Variants in CADM2 observed in about 807,000 individuals in gnomAD.
CADM2 encodes immunoglobulin superfamily member 4D.
Under a neutral mutation model 49.8 loss-of-function variants are expected in CADM2, and 12 were observed. That is an observed-to-expected ratio of 0.24 (90% CI 0.15 to 0.39). CADM2 has a LOEUF of 0.39. CADM2 is among the 10% of genes least tolerant of loss of function. CADM2 has a pLI of 1.00. For synonymous variants in CADM2, 214 were observed against 175.4 expected, an observed-to-expected ratio of 1.22 and a Z score of -1.74; for missense variants, 378 against 492.3, an observed-to-expected ratio of 0.77 and a Z score of 2.20.
At chr3:85,853,634 T>G (rs2075192306) in intron 3 of CADM2, among the ~76,000 whole-genome samples, 2 of 150,724 alleles carry the variant, frequency 1.3e-5, no homozygotes, top group African/African-American at 4.9e-5. Flanking sequence ...AAATATGAAA[T>G]GCTTCTTAAA....
intron 1 of CADM2, among the ~76,000 whole-genome samples, chr3:85,585,072 A>G (rs1331669142): frequency 6.6e-6 from 1 of 151,964 alleles, no homozygotes; most frequent in East Asian, 1.9e-4. Flanking sequence ...ATACCTCTTA[A>G]ATTGCATGCC....
At chr3:85,186,775 AC>A (rs2041076385) in intron 1 of CADM2, among the ~76,000 whole-genome samples, 1 of 152,112 alleles carries the variant, frequency 6.6e-6, no homozygotes, top group Admixed American at 6.6e-5. Flanking sequence ...GAGCAATCTT[AC>A]CAATGCTAAC....
At chr3:85,855,641 T>TATA (rs71112122) in intron 3 of CADM2, among the ~76,000 whole-genome samples, 3 of 133,122 alleles carry the variant, frequency 2.3e-5, no homozygotes, top group African/African-American at 2.7e-5. Context: ...TATATATATA[T>TATA]TTTGAGACGG....
intron 3 of CADM2, among the ~76,000 whole-genome samples, chr3:85,841,155 A>G (rs968234921): frequency 4.0e-5 from 6 of 151,894 alleles, no homozygotes; most frequent in Non-Finnish European, 7.4e-5. Flanking sequence ...TCTTGATAAC[A>G]TGAAACTTTT....
chr3:85,628,109 T>A (rs540036239), intron 1 of CADM2, among the ~76,000 whole-genome samples: 1 of 152,122 alleles, frequency 6.6e-6, no homozygotes, highest in Admixed American at 6.6e-5. Context: ...CACTTTACCT[T>A]AGCAGCTCAA....
chr3:85,684,990 G>T (rs79919836), intron 1 of CADM2, among the ~76,000 whole-genome samples: 23,251 of 152,078 alleles, frequency 0.15, 1,952 homozygotes, highest in African/African-American at 0.2. Flanking sequence ...TCGGCCGGGC[G>T]CGGTAGCTCT....
rs541276331 is a variant in CADM2 at position 85,191,820 on chromosome 3, AATT to A, written c.61+232153_61+232155del. Among the ~76,000 whole-genome samples the A allele has an allele frequency of 2.6e-5, 4 of 152,208 alleles. No individual in the cohort carries two copies. In the South Asian group the frequency reaches 8.3e-4, roughly 32 times the overall value. ...CAGTCATCAGATACAATGTTTTGTT[AATT>A]TCTGGAGGTGTTTATTCTAAACTAA... is the stretch of plus-strand genomic sequence containing the variant. On this transcript the variant is annotated intron_variant, in intron 1 of 9. Coordinates refer to ENST00000383699, the MANE Select transcript of CADM2 (RefSeq NM_001167675.2).
intron 1 of CADM2, among the ~76,000 whole-genome samples, chr3:85,071,227 G>C (rs2036731485): frequency 6.6e-6 from 1 of 151,720 alleles, no homozygotes; most frequent in East Asian, 1.9e-4. Flanking sequence ...AGGGAAGACA[G>C]AAGGAAAAAT....
At chr3:85,856,379 TA>T (rs2075318815) in intron 3 of CADM2, among the ~76,000 whole-genome samples, 2 of 152,212 alleles carry the variant, frequency 1.3e-5, no homozygotes, top group South Asian at 4.1e-4. Context: ...TACTTTTTCA[TA>T]ACGGATCTAT....
rs191933529 is a variant in CADM2, at chr3:85,198,298, A to G, written c.61+238630A>G. On this transcript the variant is annotated intron_variant, in intron 1 of 9. Coordinates refer to ENST00000383699, the MANE Select transcript of CADM2 (RefSeq NM_001167675.2). ...TCACATTTTCAAAATAATTATTCAT[A>G]TATAATTTTTAGCAATATTAGAATG... is the stretch of plus-strand genomic sequence containing the variant. Among the ~76,000 whole-genome samples, 827 of 151,938 alleles carry G rather than the reference A, an allele frequency of 5.4e-3. 6 individuals are homozygous for G. Among genetic ancestry groups the G allele is most frequent in the African/African-American group, 0.019 (795 of 41,554 alleles).
At chr3:85,869,908 G>A (rs146173451) in intron 3 of CADM2, among the ~76,000 whole-genome samples, 1,783 of 152,138 alleles carry the variant, frequency 0.012, 46 homozygotes, top group African/African-American at 0.04. Flanking sequence ...TGATCCTCCC[G>A]CCTTGGCCTC....
intron 1 of CADM2, among the ~76,000 whole-genome samples, chr3:85,071,056 C>A (rs182011161): frequency 6.3e-4 from 96 of 151,392 alleles, no homozygotes; most frequent in African/African-American, 2.1e-3. Flanking sequence ...CTTATTATGT[C>A]TTGTATAGTG....
chr3:85,598,852 T>TGG (rs1462623822), intron 1 of CADM2, among the ~76,000 whole-genome samples: 1 of 41,582 alleles, frequency 2.4e-5, no homozygotes, highest in African/African-American at 3.8e-5. Flanking sequence ...AGTGTGTGTG[T>TGG]GTGTATATAT....
intron 1 of CADM2, among the ~76,000 whole-genome samples, chr3:85,451,363 T>C (rs1326459147): frequency 6.6e-6 from 1 of 152,132 alleles, no homozygotes; most frequent in Non-Finnish European, 1.5e-5. Context: ...ATAATAATTG[T>C]TTTAGGAAAA....
intron 1 of CADM2, among the ~76,000 whole-genome samples, chr3:85,548,406 A>T (rs1195334298): frequency 6.6e-6 from 1 of 151,832 alleles, no homozygotes; most frequent in Non-Finnish European, 1.5e-5. Context: ...TTGCCTAAGG[A>T]TAAATGTGTG....
rs915201991 is a variant in CADM2 at position 85,570,705 on chromosome 3, T to G, written c.62-155817T>G. 3.3e-5 allele frequency among the ~76,000 whole-genome samples: 5 copies of G among 152,156 alleles called. No individual in the cohort carries two copies. The East Asian group carries it at 7.7e-4, about 23-fold the overall frequency. On this transcript the variant is annotated intron_variant, in intron 1 of 9. Transcript: ENST00000383699. ...ATTATTACAGATGGTTGTCTTATTA[T>G]CCAAGGGAAAAATATAGAATTCCAG...
intron 8 of CADM2, among the ~76,000 whole-genome samples, chr3:85,998,325 T>C (rs1487790733): frequency 3.9e-5 from 6 of 152,218 alleles, no homozygotes; most frequent in Non-Finnish European, 8.8e-5. Context: ...TTATGACATT[T>C]CTCGTAGTTA....
At chr3:85,661,016 A>C (rs60787866) in intron 1 of CADM2, among the ~76,000 whole-genome samples, 3,183 of 152,108 alleles carry the variant, frequency 0.021, 104 homozygotes, top group African/African-American at 0.072. Flanking sequence ...GTTAAATGAG[A>C]TTTTAAGAAT....
Position 85,011,166 on chromosome 3 carries a change from T to C in CADM2, c.61+51498T>C, listed in dbSNP as rs2107254311. On this transcript the variant is annotated intron_variant, in intron 1 of 9. Transcript: ENST00000383699. The stretch of plus-strand genomic sequence containing the variant: ...GGCGTGAGCCACCGCGCCCAGGCTG[T>C]TTATGTCTTTTTTTTGTTGTTATTG... Among the ~76,000 whole-genome samples, 5 of 151,270 alleles carry C rather than the reference T, an allele frequency of 3.3e-5. 1 individual carries two copies. In the South Asian group the frequency reaches 1.0e-3, roughly 32 times the overall value.
Sources: gnomAD v4.1 joint callset for allele counts (sites outside exome capture counted in the v4.1 genomes callset) on GRCh38, gnomAD v4.1.1 for gene constraint, MANE v1.5 for transcripts, NCBI Gene and HGNC (gene_info 2026-07-23, HGNC 2026-07-21) for gene names.